The following DMD variants were observed in gnomAD, a reference collection of about 807,000 sequenced individuals.
DMD encodes the protein mutant dystrophin.
In DMD, 63 loss-of-function variants were observed where a neutral mutation model predicts 330.1. The observed-to-expected ratio is 0.19, with a 90% CI of 0.16 to 0.24. The LOEUF (loss-of-function observed/expected upper bound fraction) is 0.24, where lower values mean the gene tolerates loss of function less well. Among genes scored for constraint, DMD ranks in the 10% least tolerant of loss-of-function variants. The probability of loss-of-function intolerance (pLI) is 1.00; values close to 1 mark genes in which losing one functional copy is unlikely to be tolerated. For missense variants in DMD, 3,344 were observed against 2,684.1 expected (o/e 1.25, Z -5.43); for synonymous variants, 1,223 against 959.8 (o/e 1.27, Z -5.07).
At chrX:31,965,601 C>T (rs1227725983) in intron 45 of DMD, among the ~76,000 whole-genome samples, 3 of 111,237 alleles carry the variant, frequency 2.7e-5, no homozygotes, top group African/African-American at 6.5e-5. Flanking sequence ...AAGAGCATGG[C>T]GCCCCTTGCT....
At chrX:31,995,702 T>G (rs990322710) in intron 44 of DMD, among the ~76,000 whole-genome samples, 2 of 109,420 alleles carry the variant, frequency 1.8e-5, no homozygotes, top group Admixed American at 1.9e-4. Flanking sequence ...TGTTAATTGA[T>G]GATAATTAAG....
chrX:32,256,089 C>T (rs1393905603), intron 43 of DMD, among the ~76,000 whole-genome samples: 2 of 111,556 alleles, frequency 1.8e-5, no homozygotes, highest in African/African-American at 6.5e-5. Context: ...GTATAAAAGT[C>T]TCTCACTATT....
intron 51 of DMD, among the ~76,000 whole-genome samples, chrX:31,733,156 A>G (rs2149035928): frequency 9.0e-6 from 1 of 111,645 alleles, no homozygotes; most frequent in Admixed American, 9.5e-5. Flanking sequence ...TCAAATACAA[A>G]GTGAATCAGA....
At chrX:31,757,695 C>A in intron 51 of DMD, among the ~76,000 whole-genome samples, 1 of 110,264 alleles carries the variant, frequency 9.1e-6, no homozygotes, top group Middle Eastern at 4.7e-3. Context: ...CCCGCATGAC[C>A]TAATCACCCC....
intron 30 of DMD, among the ~76,000 whole-genome samples, chrX:32,409,440 A>C (rs919346817): frequency 9.0e-6 from 1 of 111,500 alleles, no homozygotes. Context: ...TAGAAAAACC[A>C]AGCAAAATAT....
At chrX:32,214,611 A>G (rs990095470) in intron 44 of DMD, among the ~76,000 whole-genome samples, 1 of 111,635 alleles carries the variant, frequency 9.0e-6, no homozygotes, top group African/African-American at 3.3e-5. Flanking sequence ...TATCATTCAC[A>G]GGACATCAGA....
chrX:32,952,203 G>A (rs1035398469), intron 2 of DMD, among the ~76,000 whole-genome samples: 2 of 109,089 alleles, frequency 1.8e-5, no homozygotes, highest in African/African-American at 3.3e-5. Flanking sequence ...GCACAATCGC[G>A]GTTCACTGCA....
chrX:31,835,313 G>C (rs2093171542), intron 49 of DMD, among the ~76,000 whole-genome samples: 1 of 111,901 alleles, frequency 8.9e-6, no homozygotes, highest in Non-Finnish European at 1.9e-5. Context: ...AGAGTAGATA[G>C]AAACGTATGC....
At chrX:32,400,882 G>A (rs1603632578) in intron 30 of DMD, among the ~76,000 whole-genome samples, 1 of 109,293 alleles carries the variant, frequency 9.1e-6, no homozygotes, top group Non-Finnish European at 1.9e-5. Context: ...ACATGCACAC[G>A]TATGTTTATT....
At chrX:31,386,141 TTG>T (rs1178446762) in intron 60 of DMD, among the ~76,000 whole-genome samples, 6 of 111,642 alleles carry the variant, frequency 5.4e-5, no homozygotes, top group African/African-American at 2.0e-4. Context: ...AAACCAAACA[TTG>T]CATGTTCTCA....
At chrX:32,328,320 T>G (rs1354672709) in intron 41 of DMD, among the ~76,000 whole-genome samples, 2 of 111,976 alleles carry the variant, frequency 1.8e-5, no homozygotes, top group Non-Finnish European at 3.8e-5. Flanking sequence ...ATGAAAATAT[T>G]TATACACAAG....
chrX:31,974,370 C>T (rs1017478583), intron 44 of DMD, among the ~76,000 whole-genome samples: 2 of 110,930 alleles, frequency 1.8e-5, no homozygotes, highest in Non-Finnish European at 3.8e-5. Context: ...CAGCATCATG[C>T]GCTATTCCCC....
chrX:32,051,874 T>G (rs1487905284), intron 44 of DMD, among the ~76,000 whole-genome samples: 1 of 111,144 alleles, frequency 9.0e-6, no homozygotes, highest in Non-Finnish European at 1.9e-5. Context: ...AAACCCTAAG[T>G]GGGAGATGCA....
intron 1 of DMD, among the ~76,000 whole-genome samples, chrX:33,225,618 A>G (rs1193023158): frequency 8.9e-6 from 1 of 111,976 alleles, no homozygotes; most frequent in Non-Finnish European, 1.9e-5. Context: ...TAAATATTTT[A>G]CAAAAACATA....
At chrX:31,566,336 C>T (rs760911235) in intron 55 of DMD, among the ~76,000 whole-genome samples, 1 of 111,565 alleles carries the variant, frequency 9.0e-6, no homozygotes, top group South Asian at 3.7e-4. Context: ...TTCTGCAGGA[C>T]CATTTGTTGA....
intron 70 of DMD, 144 bp from the exon 71 acceptor site, chrX:31,178,114 T>G: frequency 9.0e-7 from 1 of 1,109,607 alleles, no homozygotes; most frequent in Non-Finnish European, 1.2e-6. Flanking sequence ...GTAAAGTGAA[T>G]TAAAAGAAAA....
chrX:31,693,788 A>C (rs958504929), intron 52 of DMD, among the ~76,000 whole-genome samples: 4 of 111,924 alleles, frequency 3.6e-5, no homozygotes, highest in African/African-American at 1.3e-4. Flanking sequence ...GACACAAATA[A>C]ATGGAAAGAT....
intron 44 of DMD, among the ~76,000 whole-genome samples, chrX:32,211,113 C>G (rs933024358): frequency 1.8e-5 from 2 of 112,026 alleles, no homozygotes; most frequent in Non-Finnish European, 3.8e-5. Context: ...CTTCTCTCAA[C>G]TCCAAAGCAC....
chrX:32,597,104 C>T (rs1457866939), intron 12 of DMD, among the ~76,000 whole-genome samples: 2 of 111,564 alleles, frequency 1.8e-5, no homozygotes, highest in South Asian at 3.7e-4. Context: ...GTTCCCTCTA[C>T]CAGGATTGCT....
Sources: gnomAD v4.1 joint callset for allele counts (sites outside exome capture counted in the v4.1 genomes callset) on GRCh38, gnomAD v4.1.1 for gene constraint, MANE v1.5 for transcripts, NCBI Gene and HGNC (gene_info 2026-07-23, HGNC 2026-07-21) for gene names.